The following POLK variants were observed in gnomAD, a reference collection of about 807,000 sequenced individuals.
The protein encoded by POLK is DNA polymerase kappa, also known as polymerase (DNA directed) kappa.
In POLK, 76 loss-of-function variants were observed where a neutral mutation model predicts 94.0. The observed-to-expected ratio is 0.81, with a 90% CI of 0.67 to 0.98. POLK has a LOEUF of 0.98. Among genes scored for constraint, POLK ranks in the 50% least tolerant of loss-of-function variants. The pLI, the probability that POLK is intolerant of heterozygous loss-of-function variation, is 0.00. For missense variants in POLK, 954 were observed against 1,010.1 expected, an observed-to-expected ratio of 0.94 and a Z score of 0.75; for synonymous variants, 349 against 325.4, an observed-to-expected ratio of 1.07 and a Z score of -0.78.
intron 11 of POLK, among the ~76,000 whole-genome samples, 152 bp from the exon 12 acceptor site, chr5:75,593,720 GTAATCT>G (rs1213915908): frequency 6.6e-6 from 1 of 152,156 alleles, no homozygotes; most frequent in Non-Finnish European, 1.5e-5. Flanking sequence ...GCACGCACTT[GTAATCT>G]TAGCTACTCA....
chr5:75,543,478 A>C (rs1400691262), intron 1 of POLK, among the ~76,000 whole-genome samples: 1 of 152,198 alleles, frequency 6.6e-6, no homozygotes, highest in East Asian at 1.9e-4. Flanking sequence ...TATTTGCATG[A>C]GCAACTGGAA....
chr5:75,594,272 A>C (rs560678024), intron 12 of POLK, among the ~76,000 whole-genome samples: 98 of 152,304 alleles, frequency 6.4e-4, no homozygotes, highest in Middle Eastern at 3.4e-3. Flanking sequence ...AAATTGACTT[A>C]TTATGTTTTC....
At chr5:75,525,777 T>C (rs1440353832) in intron 1 of POLK, among the ~76,000 whole-genome samples, 2 of 152,224 alleles carry the variant, frequency 1.3e-5, no homozygotes, top group African/African-American at 4.8e-5. Flanking sequence ...AATTCAATTC[T>C]ATATCTGATG....
chr5:75,526,382 TA>T (rs1310681621), intron 1 of POLK, among the ~76,000 whole-genome samples: 3 of 151,954 alleles, frequency 2.0e-5, no homozygotes, highest in Non-Finnish European at 4.4e-5. Flanking sequence ...TCTTAGAAAA[TA>T]AAAAACCTCA....
downstream of POLK, among the ~76,000 whole-genome samples, chr5:75,605,967 A>G: frequency 7.3e-6 from 1 of 137,930 alleles, no homozygotes; most frequent in South Asian, 2.6e-4. Context: ...CGTTCAGCAT[A>G]TGGAGGATCC....
At chr5:75,597,506 G>A in intron 13 of POLK, 1 of 408,200 alleles carries the variant, frequency 2.4e-6, no homozygotes, top group Non-Finnish European at 4.3e-6. Flanking sequence ...TAACTAGAAA[G>A]CCTCTTTAAC....
chr5:75,596,514 T>A (rs1468646176), exon 13 of POLK: 1 of 1,613,848 alleles, frequency 6.2e-7, no homozygotes, highest in East Asian at 2.2e-5. Context: ...AGAAGATGAA[T>A]GAGAATTTGG....
chr5:75,581,953 A>C, intron 7 of POLK: 2 of 852,354 alleles, frequency 2.3e-6, no homozygotes, highest in Non-Finnish European at 2.8e-6. Context: ...TGCTGGGATT[A>C]CAGGCCTGAG....
chr5:75,596,813 T>A, exon 13 of POLK: 1 of 1,609,144 alleles, frequency 6.2e-7, no homozygotes, highest in Middle Eastern at 1.7e-4. Flanking sequence ...GTAGATACTA[T>A]AGATAACTCA....
intron 10 of POLK, among the ~76,000 whole-genome samples, chr5:75,589,388 T>C (rs201592768): frequency 0.01 from 1,325 of 128,186 alleles, 33 homozygotes; most frequent in African/African-American, 0.031. Flanking sequence ...TATACACACA[T>C]ACACACACAC....
chr5:75,544,676 TAAC>T (rs988294747), intron 1 of POLK, among the ~76,000 whole-genome samples: 9 of 152,172 alleles, frequency 5.9e-5, no homozygotes, highest in Non-Finnish European at 1.3e-4. Context: ...TGAATATGAA[TAAC>T]AACAATGACA....
At chr5:75,592,157 C>T (rs1561408637) in intron 11 of POLK, among the ~76,000 whole-genome samples, 1 of 152,198 alleles carries the variant, frequency 6.6e-6, no homozygotes, top group Non-Finnish European at 1.5e-5. Flanking sequence ...ATCTCTAGAA[C>T]TGTTTCATTG....
upstream of POLK, chr5:75,511,368 C>G: frequency 1.3e-6 from 2 of 1,546,140 alleles, no homozygotes; most frequent in South Asian, 2.4e-5. Context: ...CCCGCCGCGC[C>G]GCCGCCGCGC....
intron 1 of POLK, among the ~76,000 whole-genome samples, chr5:75,528,725 C>CACT (rs756054726): frequency 6.6e-6 from 1 of 152,108 alleles, no homozygotes. Flanking sequence ...TCAGAAGGAT[C>CACT]ACTTAAGCCT....
chr5:75,526,708 A>C (rs1028246269), intron 1 of POLK, among the ~76,000 whole-genome samples: 4 of 151,174 alleles, frequency 2.6e-5, no homozygotes, highest in Admixed American at 6.6e-5. Flanking sequence ...TAGCCTCCTG[A>C]GTAGCTGGGA....
In POLK at chr5:75,517,679, A is replaced by G. The variant is rs78317513; in HGVS notation, c.-14+5765A>G. Among the ~76,000 whole-genome samples the G allele has an allele frequency of 2.1e-3, 317 of 152,276 alleles. 1 individual carries two copies. The East Asian group carries it at 0.027, about 13-fold the overall frequency. ...ACCAGGGCTTTCAGTATTATATTAG[A>G]TAACAGTGGTGAAGGTGGGCATCCT... On this transcript the variant is annotated intron_variant, in intron 1 of 14. Coordinates refer to ENST00000241436, the Ensembl canonical transcript of POLK.
chr5:75,542,476 G>A (rs1041368941), intron 1 of POLK, among the ~76,000 whole-genome samples: 8 of 151,612 alleles, frequency 5.3e-5, no homozygotes, highest in Non-Finnish European at 1.0e-4. Context: ...TAGGTGGGAG[G>A]AGGCCTACCA....
chr5:75,608,003 G>C, the POLK span, among the ~76,000 whole-genome samples: 1 of 152,042 alleles, frequency 6.6e-6, no homozygotes, highest in Non-Finnish European at 1.5e-5. Flanking sequence ...AACAGGACCT[G>C]GTTTTAAAGG....
chr5:75,519,346 A>G (rs1450376126), intron 1 of POLK, among the ~76,000 whole-genome samples: 1 of 152,146 alleles, frequency 6.6e-6, no homozygotes, highest in East Asian at 1.9e-4. Context: ...GCTGATGAAA[A>G]GATTGTCTGT....
Sources: gnomAD v4.1 joint callset for allele counts (sites outside exome capture counted in the v4.1 genomes callset) on GRCh38, gnomAD v4.1.1 for gene constraint, MANE v1.5 for transcripts, NCBI Gene and HGNC (gene_info 2026-07-23, HGNC 2026-07-21) for gene names.